NFIB: variants seen among roughly 807,000 people sequenced by gnomAD.
NFIB encodes nuclear factor I B.
Under a neutral mutation model 61.5 loss-of-function variants are expected in NFIB, and 11 were observed. That is an observed-to-expected ratio of 0.18 (90% CI 0.11 to 0.30). NFIB has a LOEUF of 0.30. Ranked by LOEUF, NFIB falls within the 10% of genes least tolerant of loss-of-function variation. The probability of loss-of-function intolerance (pLI) is 1.00; values close to 1 mark genes in which losing one functional copy is unlikely to be tolerated. For missense variants in NFIB, 471 were observed against 608.9 expected (o/e 0.77, Z 2.38); for synonymous variants, 260 against 216.5 (o/e 1.20, Z -1.76).
chr9:14,525,273 C>G, the NFIB span, among the ~76,000 whole-genome samples: 5 of 152,104 alleles, frequency 3.3e-5, no homozygotes, highest in African/African-American at 1.2e-4. Flanking sequence ...CCATGGTCAC[C>G]AATAATTAGT....
At chr9:14,409,029 T>A in the NFIB span, among the ~76,000 whole-genome samples, 1 of 152,074 alleles carries the variant, frequency 6.6e-6, no homozygotes, top group Admixed American at 6.6e-5. Flanking sequence ...GTTACAGAAG[T>A]GTATGCCTAG....
chr9:14,354,254 A>G (rs1402221811), intron 1 of NFIB, among the ~76,000 whole-genome samples: 1 of 152,220 alleles, frequency 6.6e-6, no homozygotes, highest in Non-Finnish European at 1.5e-5. Flanking sequence ...AAATAAAAAA[A>G]TAGCTCTTTT....
chr9:14,340,121 T>A (rs969590394), intron 1 of NFIB, among the ~76,000 whole-genome samples: 8 of 152,220 alleles, frequency 5.3e-5, no homozygotes, highest in Non-Finnish European at 1.0e-4. Flanking sequence ...GCTCTAACTT[T>A]CAGTCCTGTG....
Position 14,086,238 on chromosome 9 carries a change from C to T in NFIB, c.*2071G>A, listed in dbSNP as rs898025144. ...CTGCAAAGTGTTAAAAATCCTCCCACCCACCCCAGAATATATATATATGTA... is the reference window on the plus strand; with the variant it reads ...CTGCAAAGTGTTAAAAATCCTCCCATCCACCCCAGAATATATATATATGTA... On this transcript the variant is annotated 3_prime_UTR_variant, in exon 11 of 11. Coordinates refer to ENST00000380953, the MANE Select transcript of NFIB (RefSeq NM_001190737.2). 1 of 222,106 alleles carries T rather than the reference C, an allele frequency of 4.5e-6. No individual in the cohort carries two copies. The highest frequency in any genetic ancestry group is 9.0e-6 in the Non-Finnish European group (1 of 110,958). The allele number at this position is 222,106 out of a possible 1,614,324, so 13.8% of individuals were successfully genotyped here.
At chr9:14,195,870 G>A (rs2048413334) in intron 2 of NFIB, among the ~76,000 whole-genome samples, 2 of 151,838 alleles carry the variant, frequency 1.3e-5, no homozygotes, top group South Asian at 4.2e-4. Flanking sequence ...AAGGGGGTGG[G>A]GTATTTAAGA....
the NFIB span, among the ~76,000 whole-genome samples, chr9:14,510,292 A>G: frequency 2.6e-5 from 4 of 152,238 alleles, no homozygotes; most frequent in Admixed American, 1.3e-4. Context: ...AGAAAAAGCA[A>G]TATCTTAGGG....
intron 1 of NFIB, among the ~76,000 whole-genome samples, chr9:14,344,009 G>A (rs2060986255): frequency 6.6e-6 from 1 of 152,020 alleles, no homozygotes; most frequent in Non-Finnish European, 1.5e-5. Context: ...TGAGGAGGCA[G>A]TTAGGAGATG....
At chr9:14,107,956 A>G (rs373835061) in intron 10 of NFIB, among the ~76,000 whole-genome samples, 7 of 152,268 alleles carry the variant, frequency 4.6e-5, no homozygotes, top group African/African-American at 1.2e-4. Context: ...GCTTATCTGG[A>G]TATTAGTCTT....
At chr9:14,527,558 A>T in the NFIB span, among the ~76,000 whole-genome samples, 1 of 152,054 alleles carries the variant, frequency 6.6e-6, no homozygotes, top group South Asian at 2.1e-4. Context: ...GATGTCGATC[A>T]CCCCCCTCCA....
chr9:14,458,525 T>C, the NFIB span, among the ~76,000 whole-genome samples: 1 of 152,112 alleles, frequency 6.6e-6, no homozygotes. Context: ...AGGGCAATCA[T>C]GCAGGAGAAG....
chr9:14,092,491 G>T (rs1176257311), intron 10 of NFIB, among the ~76,000 whole-genome samples: 1 of 151,986 alleles, frequency 6.6e-6, no homozygotes, highest in Non-Finnish European at 1.5e-5. Flanking sequence ...TTATGACTCA[G>T]ATCTGTCTGA....
chr9:14,468,050 T>G, the NFIB span, among the ~76,000 whole-genome samples: 1 of 152,322 alleles, frequency 6.6e-6, no homozygotes, highest in Admixed American at 6.5e-5. Context: ...TTAGTCTATT[T>G]CTCCAGAATT....
chr9:14,176,304 T>G (rs1190354913), intron 3 of NFIB, among the ~76,000 whole-genome samples: 2 of 147,336 alleles, frequency 1.4e-5, no homozygotes, highest in Non-Finnish European at 3.0e-5. Flanking sequence ...TATAAATATA[T>G]AACTTCTGAC....
chr9:14,122,012 G>A (rs889380743), intron 7 of NFIB, among the ~76,000 whole-genome samples: 1 of 151,976 alleles, frequency 6.6e-6, no homozygotes, highest in Non-Finnish European at 1.5e-5. Flanking sequence ...AAAAGTAAAT[G>A]TCTTTCTATT....
At chr9:14,265,886 C>T (rs2057159816) in intron 2 of NFIB, among the ~76,000 whole-genome samples, 1 of 152,138 alleles carries the variant, frequency 6.6e-6, no homozygotes, top group South Asian at 2.1e-4. Context: ...GAAAGTACTA[C>T]AAGAGTCCAT....
At chr9:14,280,410 C>G (rs1029883887) in intron 2 of NFIB, among the ~76,000 whole-genome samples, 4 of 152,088 alleles carry the variant, frequency 2.6e-5, no homozygotes, top group Admixed American at 1.3e-4. Context: ...CCCCTTCAAG[C>G]CTTTACTTAA....
chr9:14,509,861 T>C, the NFIB span, among the ~76,000 whole-genome samples: 1,460 of 152,288 alleles, frequency 9.6e-3, 29 homozygotes, highest in African/African-American at 0.034. Context: ...CTTCTTACAG[T>C]GGAGTTTATG....
intron 1 of NFIB, among the ~76,000 whole-genome samples, chr9:14,383,021 T>C (rs2133007474): frequency 6.6e-6 from 1 of 152,274 alleles, no homozygotes; most frequent in African/African-American, 2.4e-5. Flanking sequence ...AGCTTATCCT[T>C]GGCCTCAATA....
the NFIB span, among the ~76,000 whole-genome samples, chr9:14,457,154 T>G: frequency 6.6e-6 from 1 of 152,210 alleles, no homozygotes; most frequent in Non-Finnish European, 1.5e-5. Flanking sequence ...TACACGTAAG[T>G]ACAGCATTTC....
Sources: allele counts gnomAD v4.1 joint callset (sites outside exome capture counted in the v4.1 genomes callset), GRCh38; gene constraint gnomAD v4.1.1; transcripts MANE v1.5; gene names NCBI Gene and HGNC (gene_info 2026-07-23, HGNC 2026-07-21).